The following MUC7 variants were observed in gnomAD, a reference collection of about 807,000 sequenced individuals.
The protein encoded by MUC7 is mucin-7.
Under a neutral mutation model 2.5 loss-of-function variants are expected in MUC7, and 2 were observed. The observed-to-expected ratio is 0.81, with a 90% CI of 0.33 to 2.55. The LOEUF is 2.55. Among genes scored for constraint, MUC7 ranks in the 30% most tolerant of loss-of-function variants. The pLI is 0.11. For synonymous variants in MUC7, 133 were observed against 173.4 expected (o/e 0.77, Z 1.83); for missense variants, 408 against 455.6 (o/e 0.90, Z 0.95).
chr4:70,443,389 C>T (rs983545890), intron 1 of MUC7, among the ~76,000 whole-genome samples: 4 of 150,968 alleles, frequency 2.6e-5, no homozygotes, highest in Non-Finnish European at 4.4e-5. Flanking sequence ...CCACCAACAA[C>T]CAAATCACAG....
chr4:70,475,773 T>G (rs564950150), intron 2 of MUC7, among the ~76,000 whole-genome samples: 1 of 152,356 alleles, frequency 6.6e-6, no homozygotes, highest in African/African-American at 2.4e-5. Flanking sequence ...GGAATGTACT[T>G]TTTTATTGAA....
At chr4:70,473,397 G>A (rs1205709619) in intron 1 of MUC7, among the ~76,000 whole-genome samples, 6 of 151,656 alleles carry the variant, frequency 4.0e-5, no homozygotes, top group Middle Eastern at 3.4e-3. Context: ...TGAGCCATGC[G>A]TGTGCCACTT....
At chr4:70,478,736 T>C (rs1244758653) in intron 2 of MUC7, among the ~76,000 whole-genome samples, 1 of 152,228 alleles carries the variant, frequency 6.6e-6, no homozygotes, top group East Asian at 1.9e-4. Flanking sequence ...TCCTTAATTA[T>C]GTGGATTGCA....
intron 1 of MUC7, among the ~76,000 whole-genome samples, chr4:70,448,290 T>G (rs918887921): frequency 6.6e-6 from 1 of 152,332 alleles, no homozygotes; most frequent in Non-Finnish European, 1.5e-5. Context: ...ACCTTTCTTT[T>G]GGGTATACAC....
At chr4:70,462,999 ATAAG>A (rs1734596102) in intron 1 of MUC7, among the ~76,000 whole-genome samples, 1 of 151,824 alleles carries the variant, frequency 6.6e-6, no homozygotes, top group African/African-American at 2.4e-5. Context: ...GAATGAATGA[ATAAG>A]TAAATAAAAC....
chr4:70,481,802 A>C lies in MUC7; in HGVS notation c.1058A>C (p.Gln353Pro). 1 of 1,614,180 alleles carries C rather than the reference A, an allele frequency of 6.2e-7. No homozygotes were observed. Among genetic ancestry groups the C allele is most frequent in the Non-Finnish European group, 8.5e-7 (1 of 1,180,016 alleles). The change falls in exon 3 of 3, where the codon CAA becomes CCA. Residue 353 changes from glutamine (Q) to proline (P), a missense_variant. By Grantham distance (76) the Gln-to-Pro change is moderately conservative (BLOSUM62 -1). Coordinates refer to ENST00000304887, the MANE Select transcript of MUC7 (RefSeq NM_152291.3). ...TTKQPTSAPG[Q>P]NKISRFLLYM... ...AAACAACCAACTTCAGCTCCTGGCCAAAATAAAATTTCTCGATTTCTTTTA... is the reference window on the plus strand; with the variant it reads ...AAACAACCAACTTCAGCTCCTGGCCCAAATAAAATTTCTCGATTTCTTTTA...
At chr4:70,451,627 T>C (rs75325388) in intron 1 of MUC7, among the ~76,000 whole-genome samples, 4,880 of 152,290 alleles carry the variant, frequency 0.032, 222 homozygotes, top group African/African-American at 0.1. Flanking sequence ...AGAGAAGATG[T>C]TTGATACTAT....
At chr4:70,475,878 C>A (rs1734986275) in intron 2 of MUC7, among the ~76,000 whole-genome samples, 1 of 152,138 alleles carries the variant, frequency 6.6e-6, no homozygotes, top group Admixed American at 6.5e-5. Flanking sequence ...CTTGGATATT[C>A]TCATATTTCT....
At chr4:70,464,087 A>G (rs1036974717) in intron 1 of MUC7, among the ~76,000 whole-genome samples, 10 of 152,200 alleles carry the variant, frequency 6.6e-5, no homozygotes, top group African/African-American at 2.4e-4. Context: ...TAGTGGGTGC[A>G]GCCCACAGTG....
intron 1 of MUC7, among the ~76,000 whole-genome samples, chr4:70,466,292 C>A (rs1002872032): frequency 7.2e-5 from 11 of 152,262 alleles, no homozygotes; most frequent in Admixed American, 1.3e-4. Context: ...CCAGTACCAG[C>A]CACTGCAAAA....
intron 1 of MUC7, among the ~76,000 whole-genome samples, chr4:70,465,073 T>C (rs995166050): frequency 5.3e-4 from 81 of 152,232 alleles, no homozygotes; most frequent in Admixed American, 5.3e-3. Flanking sequence ...ATCCTTGCTG[T>C]TCTGCAGCCT....
intron 2 of MUC7, 60 bp downstream of exon 2, chr4:70,474,135 C>T: frequency 7.2e-7 from 1 of 1,389,586 alleles, no homozygotes; most frequent in Non-Finnish European, 1.0e-6. Flanking sequence ...TTTAGTGTAC[C>T]TACCTGAGAC....
chr4:70,436,692 C>G (rs1733846012), intron 1 of MUC7, among the ~76,000 whole-genome samples: 1 of 152,188 alleles, frequency 6.6e-6, no homozygotes, highest in African/African-American at 2.4e-5. Flanking sequence ...CTGAAGCCTA[C>G]TTCTGTCAAT....
At chr4:70,473,255 T>A (rs574829601) in intron 1 of MUC7, among the ~76,000 whole-genome samples, 2 of 151,978 alleles carry the variant, frequency 1.3e-5, no homozygotes, top group East Asian at 3.9e-4. Flanking sequence ...GGCAACACAG[T>A]GAAACCGTGT....
At chr4:70,461,456 A>C (rs1734553889) in intron 1 of MUC7, among the ~76,000 whole-genome samples, 1 of 152,198 alleles carries the variant, frequency 6.6e-6, no homozygotes, top group Non-Finnish European at 1.5e-5. Flanking sequence ...CAGTAGAATT[A>C]AGGAATAATA....
chr4:70,467,944 A>T (rs1734721607), upstream of MUC7, among the ~76,000 whole-genome samples: 1 of 152,132 alleles, frequency 6.6e-6, no homozygotes, highest in African/African-American at 2.4e-5. Flanking sequence ...AAAACTTGGG[A>T]GAGACACAAG....
chr4:70,480,976 C>A lies in MUC7; in HGVS notation c.232C>A (p.Pro78Thr). Reference protein sequence around the residue: ...KRCRPKLPPSPNNPPKFPNPH... With the variant: ...KRCRPKLPPSTNNPPKFPNPH... The stretch of plus-strand genomic sequence containing the variant: ...CTGTAGGCCTAAGCTTCCACCTTCA[C>A]CTAATAACCCCCCCAAATTCCCAAA... Residue 78 changes from proline (P) to threonine (T), a missense_variant, in exon 3 of 3, where the codon CCT (proline) becomes ACT (threonine). By Grantham distance (38) the Pro-to-Thr change is conservative. Around this residue, in one of 3 missense-constraint regions of MUC7, gnomAD observed 225 missense variants for 240.5 expected, o/e 0.94. Transcript: ENST00000304887. 6.2e-7 allele frequency: 1 copy of A among 1,614,078 alleles called. No individual in the cohort carries two copies. Among genetic ancestry groups the A allele is most frequent in the Non-Finnish European group, 8.5e-7 (1 of 1,179,998 alleles).
Position 70,481,941 on chromosome 4 carries a change from C to A in MUC7, c.*63C>A. On this transcript the variant is annotated 3_prime_UTR_variant, in exon 3 of 3. Coordinates refer to ENST00000304887, the MANE Select transcript of MUC7 (RefSeq NM_152291.3). ...ATGTGATTCATGAGTGCAGAACTACCACCTTTCTTTTAGCACCAATCCCAA... is the reference window on the plus strand; with the variant it reads ...ATGTGATTCATGAGTGCAGAACTACAACCTTTCTTTTAGCACCAATCCCAA... The A allele has an allele frequency of 6.5e-7, 1 of 1,537,800 alleles. No individual in the cohort carries two copies. Among genetic ancestry groups the A allele is most frequent in the Non-Finnish European group, 8.8e-7 (1 of 1,140,502 alleles).
At chr4:70,454,795 G>A (rs890241425) in intron 1 of MUC7, among the ~76,000 whole-genome samples, 4 of 152,170 alleles carry the variant, frequency 2.6e-5, no homozygotes, top group African/African-American at 7.2e-5. Context: ...GAATGCAGAA[G>A]CGGGTTTCAA....
Sources: allele counts gnomAD v4.1 joint callset (sites outside exome capture counted in the v4.1 genomes callset), GRCh38; gene constraint gnomAD v4.1.1; regional missense constraint gnomAD v4.1.1; transcripts MANE v1.5; gene names NCBI Gene and HGNC (gene_info 2026-07-23, HGNC 2026-07-21).